Variants in JAM2 observed in about 807,000 individuals in gnomAD.
JAM2 encodes the protein junctional adhesion molecule B.
In JAM2, 17 loss-of-function variants were observed where a neutral mutation model predicts 42.0. The ratio of observed to expected loss-of-function variants is 0.40; its 90% CI spans 0.28 to 0.61. The LOEUF (loss-of-function observed/expected upper bound fraction) is 0.61. Ranked by LOEUF, JAM2 falls within the 20% of genes least tolerant of loss-of-function variation. The pLI is 0.37. For synonymous variants in JAM2, 118 were observed against 128.6 expected, an observed-to-expected ratio of 0.92 and a Z score of 0.56; for missense variants, 319 against 358.3, an observed-to-expected ratio of 0.89 and a Z score of 0.89.
chr21:25,693,703 C>A, intron 3 of JAM2, 53 bp from the exon 4 acceptor site: 1 of 1,464,932 alleles, frequency 6.8e-7, no homozygotes, highest in Non-Finnish European at 9.5e-7. Flanking sequence ...GAAGGTATTA[C>A]ACAGAAAGCT....
chr21:25,695,470 C>G (rs2033984750), intron 4 of JAM2, among the ~76,000 whole-genome samples: 2 of 152,224 alleles, frequency 1.3e-5, no homozygotes, highest in African/African-American at 4.8e-5. Flanking sequence ...CATCATGGCC[C>G]GTTCTCAATG....
rs755488007 is a variant in JAM2 at position 25,716,336 on chromosome 21, T to C, written c.*1664T>C. On this transcript the variant is annotated 3_prime_UTR_variant, in exon 10 of 10. Transcript: ENST00000480456. ...AAAAGAGTCTGCTCTTTCTACCCAA[T>C]TGGCGAAGCAAATCCCCAGGATTCA... The C allele has an allele frequency of 2.0e-5, 3 of 152,152 alleles. No homozygotes were observed. Among genetic ancestry groups the C allele is most frequent in the East Asian group, 3.8e-4 (2 of 5,202 alleles). 9.4% of individuals were successfully genotyped at this position (152,152 alleles called of 1,614,324 possible).
Position 25,639,485 on chromosome 21 carries a change from G to A in JAM2, c.-337G>A, listed in dbSNP as rs915978066. 4.6e-5 allele frequency: 11 copies of A among 241,146 alleles called. No homozygotes were observed. Among genetic ancestry groups the A allele is most frequent in the Admixed American group, 5.6e-5 (1 of 17,710 alleles). The allele number at this position is 241,146 out of a possible 1,614,324, so 14.9% of individuals were successfully genotyped here. A position where few individuals can be genotyped will look rare whatever the true frequency, so the allele number is the denominator to read the frequency against. On this transcript the variant is annotated 5_prime_UTR_variant, in exon 1 of 10. Transcript: ENST00000480456. ...CGTGGGGGCGGAGGGACGACCCGCC[G>A]GGGCTTTCCCGGGCGCTGCTCTCCT...
At chr21:25,661,014 C>T (rs906024154) in intron 1 of JAM2, among the ~76,000 whole-genome samples, 1 of 151,194 alleles carries the variant, frequency 6.6e-6, no homozygotes, top group Non-Finnish European at 1.5e-5. Context: ...CAGCCTGGAA[C>T]CCCTGACCTT....
intron 1 of JAM2, among the ~76,000 whole-genome samples, chr21:25,660,978 A>G (rs914841448): frequency 2.0e-5 from 3 of 150,534 alleles, no homozygotes; most frequent in Admixed American, 6.6e-5. Context: ...TACTTTTAGT[A>G]GAGACAGGAG....
rs57080927 is a variant in JAM2 at position 25,699,519 on chromosome 21, A to G, written c.597+640A>G. 9.8e-3 allele frequency among the ~76,000 whole-genome samples: 1,483 copies of G among 152,046 alleles called. 26 individuals are homozygous for G. The highest frequency in any genetic ancestry group is 0.034 in the African/African-American group (1,400 of 41,486). ...GGGCGGATCACGAGGTCAGGAGATC[A>G]AGACCATCCTGGCTAACACGGTGAA... is the stretch of plus-strand genomic sequence containing the variant. On this transcript the variant is annotated intron_variant, in intron 5 of 9. Transcript: ENST00000480456.
chr21:25,695,090 C>T (rs1471889845), intron 4 of JAM2, among the ~76,000 whole-genome samples: 1 of 151,528 alleles, frequency 6.6e-6, no homozygotes, highest in Non-Finnish European at 1.5e-5. Context: ...AACAAGTGAA[C>T]AAGGGTCTTT....
chr21:25,650,618 G>A (rs1373887363), intron 1 of JAM2, among the ~76,000 whole-genome samples: 1 of 152,154 alleles, frequency 6.6e-6, no homozygotes, highest in Non-Finnish European at 1.5e-5. Context: ...ATTGTAATAT[G>A]TATTTCTGTA....
At chr21:25,659,980 G>A (rs981474204) in intron 1 of JAM2, among the ~76,000 whole-genome samples, 2 of 151,618 alleles carry the variant, frequency 1.3e-5, no homozygotes, top group Non-Finnish European at 2.9e-5. Context: ...GCAGTGGTGC[G>A]GATCTCGGCT....
At chr21:25,681,534 C>A (rs1455266974) in intron 1 of JAM2, among the ~76,000 whole-genome samples, 1 of 152,184 alleles carries the variant, frequency 6.6e-6, no homozygotes, top group East Asian at 1.9e-4. Flanking sequence ...GTTCCTCCCA[C>A]AACACATGGG....
At chr21:25,700,099 T>C (rs1601056093) in intron 5 of JAM2, among the ~76,000 whole-genome samples, 3 of 152,320 alleles carry the variant, frequency 2.0e-5, no homozygotes, top group African/African-American at 7.2e-5. Context: ...CTAGGAATAC[T>C]GATGACAATC....
At chr21:25,713,743 T>G (rs1406472263) in intron 9 of JAM2, among the ~76,000 whole-genome samples, 1 of 152,220 alleles carries the variant, frequency 6.6e-6, no homozygotes, top group Non-Finnish European at 1.5e-5. Flanking sequence ...TTCCCACCAT[T>G]TTTGTGCCTA....
At chr21:25,673,351 T>C (rs148040546) in intron 1 of JAM2, among the ~76,000 whole-genome samples, 2 of 152,368 alleles carry the variant, frequency 1.3e-5, no homozygotes, top group East Asian at 3.9e-4. Context: ...GTAATGCATG[T>C]AACTTATATG....
intron 1 of JAM2, among the ~76,000 whole-genome samples, chr21:25,664,633 T>C (rs1401599302): frequency 2.0e-5 from 3 of 152,246 alleles, no homozygotes; most frequent in South Asian, 2.1e-4. Flanking sequence ...GTGATTTCCA[T>C]GACATCATTC....
intron 5 of JAM2, among the ~76,000 whole-genome samples, chr21:25,701,067 T>A (rs921699079): frequency 1.2e-4 from 18 of 152,236 alleles, no homozygotes; most frequent in Non-Finnish European, 8.8e-5. Context: ...TAGGTTCTTA[T>A]GTGAGAAATG....
intron 1 of JAM2, among the ~76,000 whole-genome samples, chr21:25,649,307 G>A (rs938156766): frequency 6.6e-6 from 1 of 152,198 alleles, no homozygotes; most frequent in African/African-American, 2.4e-5. Context: ...TCGCATGGCT[G>A]GGGAGGCCTC....
Position 25,639,685 on chromosome 21 carries a change from G to T in JAM2, c.-137G>T. ...GAGGGGGAAACTGACATCCCATCTA[G>T]AGCCGTCCCTCCTCTTCCTCCCCTC... is the stretch of plus-strand genomic sequence containing the variant. On this transcript the variant is annotated 5_prime_UTR_variant, in exon 1 of 10. Transcript: ENST00000480456. The T allele has an allele frequency of 1.7e-6, 1 of 598,590 alleles. No homozygotes were observed. The highest frequency in any genetic ancestry group is 2.0e-5 in the South Asian group (1 of 49,148). 37.1% of individuals were successfully genotyped at this position (598,590 alleles called of 1,614,324 possible). A position where few individuals can be genotyped will look rare whatever the true frequency, so the allele number is the denominator to read the frequency against.
chr21:25,685,009 T>C (rs1307688072), intron 2 of JAM2, among the ~76,000 whole-genome samples: 1 of 152,196 alleles, frequency 6.6e-6, no homozygotes, highest in Non-Finnish European at 1.5e-5. Context: ...TTAAATTTAA[T>C]ACTTGTTTAG....
At chr21:25,675,250 C>CT (rs2033456380) in intron 1 of JAM2, among the ~76,000 whole-genome samples, 1 of 152,120 alleles carries the variant, frequency 6.6e-6, no homozygotes, top group Non-Finnish European at 1.5e-5. Flanking sequence ...AATCCTAGCA[C>CT]TTTGAGAAAC....
Sources: allele counts gnomAD v4.1 joint callset (sites outside exome capture counted in the v4.1 genomes callset), GRCh38; gene constraint gnomAD v4.1.1; transcripts MANE v1.5; gene names NCBI Gene and HGNC (gene_info 2026-07-23, HGNC 2026-07-21).